The following CPNE1 variants were observed in gnomAD, a reference collection of about 807,000 sequenced individuals.
The protein encoded by CPNE1 is copine-1.
In CPNE1, 58 loss-of-function variants were observed where a neutral mutation model predicts 63.2. That is an observed-to-expected ratio of 0.92 (90% CI 0.74 to 1.14). The LOEUF is 1.14. Among genes scored for constraint, CPNE1 ranks in the 50% most tolerant of loss-of-function variants. The pLI is 0.00. For synonymous variants in CPNE1, 237 were observed against 249.0 expected (o/e 0.95, Z 0.45); for missense variants, 672 against 661.7 (o/e 1.02, Z -0.17).
At chr20:35,657,156 C>T (rs1319123241) in intron 1 of CPNE1, among the ~76,000 whole-genome samples, 1 of 152,078 alleles carries the variant, frequency 6.6e-6, no homozygotes, top group Non-Finnish European at 1.5e-5. Flanking sequence ...TTTGTGAGGC[C>T]ATTATAAAGC....
In CPNE1 at chr20:35,632,539, C is replaced by T. The variant is rs554913918; in HGVS notation, c.287G>A (p.Gly96Asp). The T allele has an allele frequency of 6.6e-5, 106 of 1,613,574 alleles. 1 individual carries two copies. The Middle Eastern group carries it at 2.1e-3, about 33-fold the overall frequency. Residue 96 changes from glycine to aspartate, a missense_variant, in exon 3 of 16, where the codon GGT (glycine) becomes GAT (aspartate). By Grantham distance (94) the Gly-to-Asp change is moderately conservative. Transcript: ENST00000397443. ...PELRDDDFLG[G>D]AECSLGQIVS... ...TACCTGTCCTAGGGAACACTCAGCACCCCCTAGGAAGTCATCATCCCTCAG... is the reference window on the plus strand; with the variant it reads ...TACCTGTCCTAGGGAACACTCAGCATCCCCTAGGAAGTCATCATCCCTCAG...
At chr20:35,659,177 CCA>C (rs1349515491) in intron 1 of CPNE1, among the ~76,000 whole-genome samples, 1 of 151,694 alleles carries the variant, frequency 6.6e-6, no homozygotes, top group Non-Finnish European at 1.5e-5. Context: ...TAACAAAATC[CCA>C]CACATGCTTT....
In CPNE1 at chr20:35,631,658, C is replaced by T. The variant is rs45437996; in HGVS notation, c.627+30G>A. On this transcript the variant is annotated intron_variant, in intron 7 of 15. Coordinates refer to ENST00000397443, the MANE Select transcript of CPNE1 (RefSeq NM_152925.3). ...TCCCTCCCCAGGTTCTCTTCTCCAG[C>T]GCAGTCCACTTAGGGGGCAAGCTCC... The T allele has an allele frequency of 5.0e-3, 8,109 of 1,610,680 alleles. 32 individuals carry two copies. The highest frequency in any genetic ancestry group is 5.8e-3 in the Non-Finnish European group (6,878 of 1,176,926).
chr20:35,653,686 G>A lies in CPNE1; in HGVS notation c.-1+11074C>T, dbSNP rs758047950. Reference sequence around the variant, plus strand: ...GCTGAATGGAATATTTGTTATGTGGGCACAGACTTTGGCAGAGTTGACATC... The same window carrying A: ...GCTGAATGGAATATTTGTTATGTGGACACAGACTTTGGCAGAGTTGACATC... On this transcript the variant is annotated intron_variant, in intron 1 of 15. Coordinates refer to ENST00000397443, the MANE Select transcript of CPNE1 (RefSeq NM_152925.3). 13 of 1,614,150 alleles carry A rather than the reference G, an allele frequency of 8.1e-6. No individual in the cohort carries two copies. In the South Asian group the frequency reaches 1.4e-4, roughly 18 times the overall value.
chr20:35,653,531 C>T (rs1245876342), intron 1 of CPNE1: 1 of 1,614,088 alleles, frequency 6.2e-7, no homozygotes, highest in East Asian at 2.2e-5. Context: ...GACTTACGTG[C>T]ATCATCTTCA....
Position 35,654,769 on chromosome 20 carries a change from ACTGTGTTCATTGGAGAGG to A in CPNE1, c.-1+9973_-1+9990del, listed in dbSNP as rs762236568. On this transcript the variant is annotated intron_variant, in intron 1 of 15. Transcript: ENST00000397443. ...AATTGGAGGAATTGGTGGCGGCGGGACTGTGTTCATTGGAGAGGCTGTGCTTGGAACAGTTGAGCTAAA... is the reference window on the plus strand; with the variant it reads ...AATTGGAGGAATTGGTGGCGGCGGGACTGTGCTTGGAACAGTTGAGCTAAA... 5.6e-6 allele frequency: 9 copies of A among 1,613,874 alleles called. No individual in the cohort carries two copies. In the East Asian group the frequency reaches 2.0e-4, roughly 36 times the overall value.
At chr20:35,659,749 T>C (rs948462559) in intron 1 of CPNE1, among the ~76,000 whole-genome samples, 1 of 152,238 alleles carries the variant, frequency 6.6e-6, no homozygotes, top group Non-Finnish European at 1.5e-5. Flanking sequence ...AGGTCACTCA[T>C]CTTTCACTGT....
At chr20:35,630,720 G>A in intron 12 of CPNE1, 21 bp downstream of exon 12, 1 of 1,612,980 alleles carries the variant, frequency 6.2e-7, no homozygotes, top group South Asian at 1.1e-5. Flanking sequence ...AACAGGAGTG[G>A]CAGAAAGAGA....
rs778683315 is a variant in CPNE1, at chr20:35,654,762, C to T, written c.-1+9998G>A. The T allele has an allele frequency of 4.0e-5, 65 of 1,613,684 alleles. No individual in the cohort carries two copies. The East Asian group carries it at 1.3e-3, about 32-fold the overall frequency. On this transcript the variant is annotated intron_variant, in intron 1 of 15. Transcript: ENST00000397443. ...TCGCTGGAATTGGAGGAATTGGTGG[C>T]GGCGGGACTGTGTTCATTGGAGAGG...
At chr20:35,660,138 A>C (rs1247059488) in intron 1 of CPNE1, among the ~76,000 whole-genome samples, 1 of 152,260 alleles carries the variant, frequency 6.6e-6, no homozygotes, top group African/African-American at 2.4e-5. Context: ...GCAAATATGT[A>C]ATCAACACAA....
intron 1 of CPNE1, chr20:35,649,992 T>C (rs887419536): frequency 6.6e-6 from 1 of 152,598 alleles, no homozygotes; most frequent in African/African-American, 2.4e-5. Flanking sequence ...ACCTAGTTCT[T>C]AGGAGAAAAT....
chr20:35,628,714 C>T (rs748088069), intron 13 of CPNE1, among the ~76,000 whole-genome samples: 13 of 152,292 alleles, frequency 8.5e-5, no homozygotes, highest in South Asian at 6.2e-4. Flanking sequence ...GCTAACTGAA[C>T]GCAATGTGTG....
At chr20:35,635,424 G>A (rs1238822016) in intron 1 of CPNE1, among the ~76,000 whole-genome samples, 1 of 151,970 alleles carries the variant, frequency 6.6e-6, no homozygotes, top group Non-Finnish European at 1.5e-5. Context: ...TCCAGCCCCA[G>A]CTCCCTGCCC....
chr20:35,632,864 C>T lies in CPNE1; in HGVS notation c.60G>A (p.Lys20=). 1.1e-6 allele frequency: 1 copy of T among 872,966 alleles called. No homozygotes were observed. Among genetic ancestry groups the T allele is most frequent in the Non-Finnish European group, 2.0e-6 (1 of 501,668 alleles). The allele number at this position is 872,966 out of a possible 1,614,324, so 54.1% of individuals were successfully genotyped here. A position where few individuals can be genotyped will look rare whatever the true frequency, so the allele number is the denominator to read the frequency against. ...LSISCDHLID[K]DIGSKSDPLC... is the part of the protein sequence containing the mutation. ...GTGGGTCAGACTTGGAGCCGATGTCCTTGTCAATGAGATGGTCACAGGAAA... is the reference window on the plus strand; with the variant it reads ...GTGGGTCAGACTTGGAGCCGATGTCTTTGTCAATGAGATGGTCACAGGAAA... The change falls in exon 2 of 16, where the codon AAG becomes AAA. Residue 20 remains lysine, a synonymous_variant. Coordinates refer to ENST00000397443, the MANE Select transcript of CPNE1 (RefSeq NM_152925.3).
chr20:35,662,106 T>C (rs2034263203), intron 1 of CPNE1, among the ~76,000 whole-genome samples: 1 of 152,346 alleles, frequency 6.6e-6, no homozygotes, highest in East Asian at 1.9e-4. Context: ...CTGACACTGA[T>C]GGAGATGTGT....
chr20:35,628,253 C>G (rs548610241), intron 13 of CPNE1, among the ~76,000 whole-genome samples: 3 of 151,622 alleles, frequency 2.0e-5, no homozygotes, highest in Non-Finnish European at 4.4e-5. Flanking sequence ...CCACCGCATT[C>G]CAGCCTGGGT....
At position 35,658,480 on chromosome 20, in the gene CPNE1, G is replaced by A. The variant is rs779459057; in HGVS notation, c.-1+6280C>T. 5.3e-5 allele frequency among the ~76,000 whole-genome samples: 8 copies of A among 152,038 alleles called. No individual in the cohort carries two copies. The East Asian group carries it at 5.8e-4, about 11-fold the overall frequency. On this transcript the variant is annotated intron_variant, in intron 1 of 15. Coordinates refer to ENST00000397443, the MANE Select transcript of CPNE1 (RefSeq NM_152925.3). The stretch of plus-strand genomic sequence containing the variant: ...AGATAAACTTGTAAAAAACCACACC[G>A]GCCTGGGTGGCGGCTCATGCCTGTA...
At chr20:35,645,046 A>G (rs2033028355) in intron 1 of CPNE1, among the ~76,000 whole-genome samples, 1 of 152,180 alleles carries the variant, frequency 6.6e-6, no homozygotes, top group Non-Finnish European at 1.5e-5. Flanking sequence ...GGGGTGTCTG[A>G]GACAACAGTA....
At chr20:35,635,327 G>A (rs1209007971) in intron 1 of CPNE1, among the ~76,000 whole-genome samples, 1 of 151,940 alleles carries the variant, frequency 6.6e-6, no homozygotes, top group Non-Finnish European at 1.5e-5. Context: ...AATTCTGTGA[G>A]AAAGGAATAT....
Sources: allele counts gnomAD v4.1 joint callset (sites outside exome capture counted in the v4.1 genomes callset), GRCh38; gene constraint gnomAD v4.1.1; transcripts MANE v1.5; gene names NCBI Gene and HGNC (gene_info 2026-07-23, HGNC 2026-07-21).